Variants in SLC16A10 observed in about 807,000 individuals in gnomAD.
SLC16A10 encodes monocarboxylate transporter 10.
SLC16A10 carries 27 observed loss-of-function variants against 40.0 expected under a neutral mutation model. The observed-to-expected ratio is 0.67, with a 90% confidence interval of 0.50 to 0.93. The LOEUF (loss-of-function observed/expected upper bound fraction) is 0.93, where lower values mean the gene tolerates loss of function less well. Ranked by LOEUF, SLC16A10 falls within the 40% of genes least tolerant of loss-of-function variation. SLC16A10 has a pLI of 0.00. For missense variants in SLC16A10, 529 were observed against 658.2 expected, an observed-to-expected ratio of 0.80 and a Z score of 2.15; for synonymous variants, 213 against 249.8, an observed-to-expected ratio of 0.85 and a Z score of 1.39.
At chr6:111,164,608 TAAA>T (rs925342551) in intron 1 of SLC16A10, among the ~76,000 whole-genome samples, 1 of 151,362 alleles carries the variant, frequency 6.6e-6, no homozygotes, top group African/African-American at 2.4e-5. Context: ...AAAAAAAAAA[TAAA>T]AAAATTAGTT....
intron 1 of SLC16A10, among the ~76,000 whole-genome samples, chr6:111,114,723 C>T (rs1360173453): frequency 6.6e-6 from 1 of 152,010 alleles, no homozygotes. Flanking sequence ...GAGGAGGGGC[C>T]TCATCTCTGT....
intron 1 of SLC16A10, among the ~76,000 whole-genome samples, chr6:111,110,605 A>G (rs536251300): frequency 6.6e-6 from 1 of 152,278 alleles, no homozygotes; most frequent in South Asian, 2.1e-4. Flanking sequence ...AGAGGTCATT[A>G]AATGTGGTCC....
intron 1 of SLC16A10, among the ~76,000 whole-genome samples, chr6:111,167,835 G>A (rs957095736): frequency 6.6e-6 from 1 of 151,886 alleles, no homozygotes; most frequent in Non-Finnish European, 1.5e-5. Context: ...TGCCCAGCTA[G>A]TTTTTAAAGT....
At chr6:111,183,451 C>T (rs1391988331) in intron 3 of SLC16A10, among the ~76,000 whole-genome samples, 1 of 152,200 alleles carries the variant, frequency 6.6e-6, no homozygotes, top group Non-Finnish European at 1.5e-5. Context: ...AAGCATCTAG[C>T]GCAGTGCCTA....
rs190642572 is a variant in SLC16A10 at position 111,089,725 on chromosome 6, A to G, written c.343+1630A>G. ...CTTTTCTATATGAGTATTGGGTGTC[A>G]GAGAGAAAAGCCCCAAAAGAAGGCA... On this transcript the variant is annotated intron_variant, in intron 1 of 5. Transcript: ENST00000368851. 2.1e-3 allele frequency among the ~76,000 whole-genome samples: 321 copies of G among 152,262 alleles called. 1 individual carries two copies. Among genetic ancestry groups the G allele is most frequent in the Middle Eastern group, 6.8e-3 (2 of 294 alleles).
chr6:111,137,986 C>G, intron 1 of SLC16A10, among the ~76,000 whole-genome samples: 1 of 152,300 alleles, frequency 6.6e-6, no homozygotes, highest in Middle Eastern at 3.4e-3. Context: ...TAAACCCAGG[C>G]GTTCTAGCCG....
chr6:111,155,544 C>T (rs936379709), intron 1 of SLC16A10, among the ~76,000 whole-genome samples: 8 of 152,112 alleles, frequency 5.3e-5, no homozygotes, highest in African/African-American at 1.9e-4. Flanking sequence ...GATTTCCTCT[C>T]AAAACATAAA....
intron 1 of SLC16A10, among the ~76,000 whole-genome samples, chr6:111,153,533 CA>C (rs5879090): frequency 0.46 from 67,965 of 146,664 alleles, 16,017 homozygotes; most frequent in East Asian, 0.69. Flanking sequence ...GACCCTGTCT[CA>C]AAAAAAAAAA....
At chr6:111,127,288 CACGA>C (rs1208715524) in intron 1 of SLC16A10, among the ~76,000 whole-genome samples, 3 of 152,208 alleles carry the variant, frequency 2.0e-5, no homozygotes, top group African/African-American at 7.2e-5. Flanking sequence ...AGTCCTATCA[CACGA>C]AGTGGTATTT....
At chr6:111,171,565 CA>C (rs1772585690) in intron 1 of SLC16A10, among the ~76,000 whole-genome samples, 1 of 151,976 alleles carries the variant, frequency 6.6e-6, no homozygotes, top group Non-Finnish European at 1.5e-5. Flanking sequence ...TGTAAGAAGG[CA>C]AAAAATTTCT....
chr6:111,186,529 G>C (rs988947057), intron 3 of SLC16A10, among the ~76,000 whole-genome samples: 1 of 152,200 alleles, frequency 6.6e-6, no homozygotes, highest in African/African-American at 2.4e-5. Context: ...GTGGCTTTGG[G>C]TTGTGGAGAG....
Position 111,223,465 on chromosome 6 carries a change from A to G in SLC16A10, c.*1230A>G, listed in dbSNP as rs564221102. ...TACAAAAACAAGAACACTTTCCTCT[A>G]TCCCTAAAATTATGCTTTAGTACTT... On this transcript the variant is annotated 3_prime_UTR_variant, in exon 6 of 6. Coordinates refer to ENST00000368851, the MANE Select transcript of SLC16A10 (RefSeq NM_018593.5). 2.6e-5 allele frequency: 4 copies of G among 152,292 alleles called. No individual in the cohort carries two copies. In the East Asian group the frequency reaches 7.7e-4, roughly 29 times the overall value. 9.4% of individuals were successfully genotyped at this position (152,292 alleles called of 1,614,324 possible). A position where few individuals can be genotyped will look rare whatever the true frequency, so the allele number is the denominator to read the frequency against.
chr6:111,189,771 A>G (rs1230057961), intron 3 of SLC16A10, among the ~76,000 whole-genome samples: 1 of 152,130 alleles, frequency 6.6e-6, no homozygotes, highest in East Asian at 1.9e-4. Flanking sequence ...GAATAGCACA[A>G]GAAAAACCTG....
At chr6:111,133,498 T>G (rs961925322) in intron 1 of SLC16A10, among the ~76,000 whole-genome samples, 3 of 152,196 alleles carry the variant, frequency 2.0e-5, no homozygotes, top group Non-Finnish European at 4.4e-5. Flanking sequence ...CTGGCCATGA[T>G]GTCCTCTTCA....
intron 1 of SLC16A10, among the ~76,000 whole-genome samples, chr6:111,149,321 G>A (rs1423778259): frequency 2.0e-5 from 3 of 152,110 alleles, no homozygotes; most frequent in Non-Finnish European, 2.9e-5. Context: ...CTATTCCCAG[G>A]AATTTTGATA....
At chr6:111,101,012 AT>A (rs1771176591) in intron 1 of SLC16A10, among the ~76,000 whole-genome samples, 4 of 138,664 alleles carry the variant, frequency 2.9e-5, no homozygotes, top group East Asian at 2.0e-4. Flanking sequence ...ATATATATAT[AT>A]ATATAAATAT....
At chr6:111,129,547 A>G (rs187213936) in intron 1 of SLC16A10, among the ~76,000 whole-genome samples, 42 of 152,354 alleles carry the variant, frequency 2.8e-4, no homozygotes, top group Admixed American at 2.5e-3. Context: ...ATGCTATTTT[A>G]GTGATAAAGC....
chr6:111,214,773 A>C (rs1195477257), intron 4 of SLC16A10, among the ~76,000 whole-genome samples: 1 of 152,234 alleles, frequency 6.6e-6, no homozygotes, highest in Admixed American at 6.6e-5. Context: ...ATATAACTTA[A>C]TATAGCTTGA....
intron 1 of SLC16A10, among the ~76,000 whole-genome samples, chr6:111,168,555 C>T (rs1481890542): frequency 6.6e-6 from 1 of 152,054 alleles, no homozygotes; most frequent in Non-Finnish European, 1.5e-5. Context: ...TATCATAGGT[C>T]GTAAGACCTT....
Sources: gnomAD v4.1 joint callset for allele counts (sites outside exome capture counted in the v4.1 genomes callset) on GRCh38, gnomAD v4.1.1 for gene constraint, MANE v1.5 for transcripts, NCBI Gene and HGNC (gene_info 2026-07-23, HGNC 2026-07-21) for gene names.